Variants in JRK observed in about 807,000 individuals in gnomAD.
JRK encodes the protein jerky protein homolog.
For missense variants in JRK, 720 were observed against 509.2 expected (o/e 1.41, Z -3.98); for synonymous variants, 303 against 218.1 (o/e 1.39, Z -3.43).
chr8:142,664,816 A>T lies in JRK; in HGVS notation c.1243T>A (p.Phe415Ile). ...TTCACAAGCTCCAGGATGTGTGCAA[A>T]GGACTTGTTGTGGGGCTTCACTGGG... ...CFPVKPHNKS[F>I]AHILELVKEG... Residue 415 changes from phenylalanine to isoleucine, a missense_variant, in exon 2 of 2, where the codon TTT becomes ATT. By Grantham distance (21) the Phe-to-Ile change is conservative. Transcript: ENST00000612905. 6.3e-7 allele frequency: 1 copy of T among 1,599,594 alleles called. No homozygotes were observed. The highest frequency in any genetic ancestry group is 8.5e-7 in the Non-Finnish European group (1 of 1,173,078).
chr8:142,664,407 C>G lies in JRK; in HGVS notation c.1652G>C (p.Cys551Ser). Residue 551 changes from cysteine (C) to serine (S), a missense_variant, in exon 2 of 2, where the codon TGT (cysteine) becomes TCT (serine). Cys to Ser is a moderately radical substitution (Grantham distance 112). Coordinates refer to ENST00000612905, the MANE Select transcript of JRK (RefSeq NM_003724.4). ...VEALQEGPGG[C>S]GATAQSPLPC... Reference sequence around the variant, plus strand: ...CAAGGGAGACTGAGCTGTGGCCCCACAGCCACCAGGGCCCTCCTGGAGGGC... The same window carrying G: ...CAAGGGAGACTGAGCTGTGGCCCCAGAGCCACCAGGGCCCTCCTGGAGGGC... The G allele has an allele frequency of 6.3e-7, 1 of 1,598,986 alleles. No individual in the cohort carries two copies. Among genetic ancestry groups the G allele is most frequent in the Non-Finnish European group, 8.5e-7 (1 of 1,169,936 alleles).
In JRK at chr8:142,659,499, G is replaced by C. The variant is rs139506368; in HGVS notation, c.*4853C>G. 7 of 986,284 alleles carry C rather than the reference G, an allele frequency of 7.1e-6. No homozygotes were observed. The highest frequency in any genetic ancestry group is 2.3e-4 in the East Asian group (2 of 8,824). The allele number at this position is 986,284 out of a possible 1,614,324, so 61.1% of individuals were successfully genotyped here. ...ATGGCCGTGCTGACAGGCTCTCTGC[G>C]ATAGGGCCCAGCCATGGCCAGTGGG... On this transcript the variant is annotated 3_prime_UTR_variant, in exon 2 of 2. Coordinates refer to ENST00000612905, the MANE Select transcript of JRK (RefSeq NM_003724.4).
At chr8:142,650,746 T>C in the JRK span, among the ~76,000 whole-genome samples, 25 of 152,170 alleles carry the variant, frequency 1.6e-4, no homozygotes, top group Non-Finnish European at 2.6e-4. Context: ...CATGTCTTTA[T>C]CAGGAGCGTG....
In JRK at chr8:142,659,136, A is replaced by G. The variant is rs1365532845; in HGVS notation, c.*5216T>C. ...AAAGGCTGGCCAGGTGCCAAGTCCCAGCTCAAGCCTGGCAGCTCCTCCCAC... is the reference window on the plus strand; with the variant it reads ...AAAGGCTGGCCAGGTGCCAAGTCCCGGCTCAAGCCTGGCAGCTCCTCCCAC... On this transcript the variant is annotated 3_prime_UTR_variant, in exon 2 of 2. Coordinates refer to ENST00000612905, the MANE Select transcript of JRK (RefSeq NM_003724.4). The G allele has an allele frequency of 3.0e-6, 4 of 1,346,056 alleles. No individual in the cohort carries two copies. Among genetic ancestry groups the G allele is most frequent in the Non-Finnish European group, 3.8e-6 (4 of 1,046,298 alleles). The allele number at this position is 1,346,056 out of a possible 1,614,324, so 83.4% of individuals were successfully genotyped here. A position where few individuals can be genotyped will look rare whatever the true frequency, so the allele number is the denominator to read the frequency against.
Position 142,658,803 on chromosome 8 carries a change from G to C in JRK, c.*5549C>G. The C allele has an allele frequency of 6.3e-7, 1 of 1,581,466 alleles. No homozygotes were observed. The highest frequency in any genetic ancestry group is 1.2e-5 in the South Asian group (1 of 86,444). On this transcript the variant is annotated 3_prime_UTR_variant, in exon 2 of 2. Transcript: ENST00000612905. ...CACCCATAACCTCAAGGGCACTGGT[G>C]GGGACAGAGGGGTCTTACCCAGCAC...
downstream of JRK, among the ~76,000 whole-genome samples, chr8:142,654,169 G>T (rs1846709917): frequency 6.6e-6 from 1 of 152,148 alleles, no homozygotes; most frequent in African/African-American, 2.4e-5. Context: ...GAAGGACACT[G>T]TTCTGTGGCC....
rs1401563183 is a variant in JRK, at chr8:142,660,437, ACT to A, written c.*3913_*3914del. ...TTTGTTTTTAGAGATTAGGTCTCTCACTCTGTCACCCAGGCTGGAGTGCAGAG... is the reference window on the plus strand; with the variant it reads ...TTTGTTTTTAGAGATTAGGTCTCTCACTGTCACCCAGGCTGGAGTGCAGAG... On this transcript the variant is annotated 3_prime_UTR_variant, in exon 2 of 2. Coordinates refer to ENST00000612905, the MANE Select transcript of JRK (RefSeq NM_003724.4). 20 of 982,596 alleles carry A rather than the reference ACT, an allele frequency of 2.0e-5. No individual in the cohort carries two copies. Among genetic ancestry groups the A allele is most frequent in the Middle Eastern group, 1.0e-3 (2 of 1,932 alleles). The allele number at this position is 982,596 out of a possible 1,614,324, so 60.9% of individuals were successfully genotyped here.
chr8:142,645,323 G>A, the JRK span, among the ~76,000 whole-genome samples: 2 of 151,976 alleles, frequency 1.3e-5, no homozygotes, highest in Admixed American at 1.3e-4. Flanking sequence ...TTTTTTCTAA[G>A]CAAACCAAAA....
Position 142,666,046 on chromosome 8 carries a change from G to T in JRK, c.13C>A (p.Pro5Thr). The T allele has an allele frequency of 1.9e-6, 3 of 1,604,226 alleles. No individual in the cohort carries two copies. Among genetic ancestry groups the T allele is most frequent in the Non-Finnish European group, 2.6e-6 (3 of 1,173,360 alleles). The change falls in exon 2 of 2, where the codon CCG (proline) becomes ACG (threonine). Residue 5 changes from proline to threonine, a missense_variant. Transcript: ENST00000612905. ...TCCCCTCTGCTCTTCCCGGCAGCCGGCTTGGAGGCCATGGGGAGGGGTGGC... is the reference window on the plus strand; with the variant it reads ...TCCCCTCTGCTCTTCCCGGCAGCCGTCTTGGAGGCCATGGGGAGGGGTGGC... MASK[P>T]AAGKSRGEKR...
At chr8:142,667,886 C>T (rs935372123) in intron 1 of JRK, among the ~76,000 whole-genome samples, 7 of 152,254 alleles carry the variant, frequency 4.6e-5, no homozygotes, top group Non-Finnish European at 7.3e-5. Context: ...ACAACCCTCC[C>T]TACACCCGAG....
chr8:142,666,399 G>T lies in JRK; in HGVS notation c.-341C>A. 2.3e-6 allele frequency: 1 copy of T among 434,438 alleles called. No individual in the cohort carries two copies. 26.9% of individuals were successfully genotyped at this position (434,438 alleles called of 1,614,324 possible). ...GGCTGGAACTCCGGCCTTCTCTGTGGATACTATGGCAGCGGCTCCCCTCAA... is the reference window on the plus strand; with the variant it reads ...GGCTGGAACTCCGGCCTTCTCTGTGTATACTATGGCAGCGGCTCCCCTCAA... On this transcript the variant is annotated 5_prime_UTR_variant, in exon 2 of 2. Coordinates refer to ENST00000612905, the MANE Select transcript of JRK (RefSeq NM_003724.4).
Position 142,663,366 on chromosome 8 carries a change from A to C in JRK, c.*986T>G. ...GACCAGGACAGACAACTCCTCCCCA[A>C]AAGTATTACTAACGTGCTAACAGCT... On this transcript the variant is annotated 3_prime_UTR_variant, in exon 2 of 2. Coordinates refer to ENST00000612905, the MANE Select transcript of JRK (RefSeq NM_003724.4). 1 of 985,426 alleles carries C rather than the reference A, an allele frequency of 1.0e-6. No individual in the cohort carries two copies. The highest frequency in any genetic ancestry group is 1.2e-6 in the Non-Finnish European group (1 of 829,926). The allele number at this position is 985,426 out of a possible 1,614,324, so 61.0% of individuals were successfully genotyped here.
In JRK at chr8:142,666,298, C is replaced by T; in HGVS notation, c.-240G>A. ...GGCTCCACACACCTAGGCCTTGGCT[C>T]CTGGCAGTGCAGTCAGCTGCCAATT... On this transcript the variant is annotated 5_prime_UTR_variant, in exon 2 of 2. Transcript: ENST00000612905. 1.6e-6 allele frequency: 1 copy of T among 634,342 alleles called. No homozygotes were observed. The highest frequency in any genetic ancestry group is 2.8e-6 in the Non-Finnish European group (1 of 359,134). The allele number at this position is 634,342 out of a possible 1,614,324, so 39.3% of individuals were successfully genotyped here.
rs1174313837 is a variant in JRK at position 142,665,450 on chromosome 8, G to A, written c.609C>T (p.Gly203=). The A allele has an allele frequency of 8.4e-6, 6 of 717,724 alleles. No homozygotes were observed. The highest frequency in any genetic ancestry group is 7.0e-5 in the African/African-American group (4 of 57,272). The allele number at this position is 717,724 out of a possible 1,614,324, so 44.5% of individuals were successfully genotyped here. ...WRCLPNPTPE[G]GAVPGPKQGK... ...CCTGCTTGGGGCCAGGCACAGCCCC[G>A]CCTTCCGGAGTGGGATTTGGCAGGC... Residue 203 remains glycine (G), a synonymous_variant, in exon 2 of 2, where the codon GGC becomes GGT. Transcript: ENST00000612905.
In JRK at chr8:142,657,821, C is replaced by T. The variant is rs1846787983; in HGVS notation, c.*6531G>A. The T allele has an allele frequency of 6.6e-6, 1 of 152,280 alleles. No individual in the cohort carries two copies. Among genetic ancestry groups the T allele is most frequent in the African/African-American group, 2.4e-5 (1 of 41,474 alleles). The allele number at this position is 152,280 out of a possible 1,614,324, so 9.4% of individuals were successfully genotyped here. On this transcript the variant is annotated 3_prime_UTR_variant, in exon 2 of 2. Transcript: ENST00000612905. ...GATTAGAAAGGGACAAACATCCAAA[C>T]TGTATCATGGCAGAAGGAGCCTGGC...
At position 142,663,836 on chromosome 8, in the gene JRK, C is replaced by T. The variant is rs587769275; in HGVS notation, c.*516G>A. 13 of 987,184 alleles carry T rather than the reference C, an allele frequency of 1.3e-5. No homozygotes were observed. The highest frequency in any genetic ancestry group is 1.0e-3 in the Middle Eastern group (2 of 1,916). 61.2% of individuals were successfully genotyped at this position (987,184 alleles called of 1,614,324 possible). Reference sequence around the variant, plus strand: ...AACTGAGTCCCAGCTCTCGGGCCATCGGACCTCAGGCAACCGTGCTCGGGG... The same window carrying T: ...AACTGAGTCCCAGCTCTCGGGCCATTGGACCTCAGGCAACCGTGCTCGGGG... On this transcript the variant is annotated 3_prime_UTR_variant, in exon 2 of 2. Transcript: ENST00000612905.
chr8:142,659,705 T>C lies in JRK; in HGVS notation c.*4647A>G. The C allele has an allele frequency of 2.0e-6, 2 of 985,490 alleles. No homozygotes were observed. Among genetic ancestry groups the C allele is most frequent in the South Asian group, 4.7e-5 (1 of 21,284 alleles). The allele number at this position is 985,490 out of a possible 1,614,324, so 61.0% of individuals were successfully genotyped here. On this transcript the variant is annotated 3_prime_UTR_variant, in exon 2 of 2. Transcript: ENST00000612905. ...CTAAAACAGTTGGTAAAGGAGTGTT[T>C]TCACCTCTGTTTACAGTTGAGTGCA...
chr8:142,648,701 G>A, the JRK span, among the ~76,000 whole-genome samples: 3 of 152,274 alleles, frequency 2.0e-5, no homozygotes, highest in Admixed American at 1.3e-4. Flanking sequence ...GAAGGGAAAT[G>A]TGGGGTCAGA....
In JRK at chr8:142,661,548, G is replaced by A. The variant is rs782532745; in HGVS notation, c.*2804C>T. 73 of 985,420 alleles carry A rather than the reference G, an allele frequency of 7.4e-5. 1 individual carries two copies. Among genetic ancestry groups the A allele is most frequent in the Non-Finnish European group, 8.3e-5 (69 of 830,006 alleles). The allele number at this position is 985,420 out of a possible 1,614,324, so 61.0% of individuals were successfully genotyped here. A position where few individuals can be genotyped will look rare whatever the true frequency, so the allele number is the denominator to read the frequency against. On this transcript the variant is annotated 3_prime_UTR_variant, in exon 2 of 2. Coordinates refer to ENST00000612905, the MANE Select transcript of JRK (RefSeq NM_003724.4). ...AGCACCTGCTACCCCACGAGCCACT[G>A]GAAAACTGAGGCTGCAACTTGCAGG...
Sources: allele counts gnomAD v4.1 joint callset (sites outside exome capture counted in the v4.1 genomes callset), GRCh38; gene constraint gnomAD v4.1.1; transcripts MANE v1.5; gene names NCBI Gene and HGNC (gene_info 2026-07-23, HGNC 2026-07-21).